PODXL2: variants seen among roughly 807,000 people sequenced by gnomAD.
PODXL2 encodes the protein podocalyxin like 2.
Under a neutral mutation model 53.4 loss-of-function variants are expected in PODXL2, and 17 were observed. That is an observed-to-expected ratio of 0.32 (90% CI 0.22 to 0.48). The LOEUF (loss-of-function observed/expected upper bound fraction) is 0.48, where lower values mean the gene tolerates loss of function less well. PODXL2 is among the 20% of genes least tolerant of loss of function. The pLI is 0.99. For synonymous variants in PODXL2, 311 were observed against 306.7 expected, an observed-to-expected ratio of 1.01 and a Z score of -0.15; for missense variants, 673 against 760.0, an observed-to-expected ratio of 0.89 and a Z score of 1.35.
rs1357045242 is a variant in PODXL2 at position 127,660,822 on chromosome 3, C to T, written c.794C>T (p.Ala265Val). 1 of 1,614,240 alleles carries T rather than the reference C, an allele frequency of 6.2e-7. No individual in the cohort carries two copies. Among genetic ancestry groups the T allele is most frequent in the South Asian group, 1.1e-5 (1 of 91,092 alleles). ...GACCAGGACTCCACCAGCCAAGAGGCAGAGGCCACAGTGCTGCCAGCTGCA... is the reference window on the plus strand; with the variant it reads ...GACCAGGACTCCACCAGCCAAGAGGTAGAGGCCACAGTGCTGCCAGCTGCA... ...PGDQDSTSQE[A>V]EATVLPAAGL... The change falls in exon 3 of 8, where the codon GCA becomes GTA. Residue 265 changes from alanine to valine, a missense_variant. By Grantham distance (64) the Ala-to-Val change is moderately conservative. Coordinates refer to ENST00000342480, the MANE Select transcript of PODXL2 (RefSeq NM_015720.4).
Position 127,639,442 on chromosome 3 carries a change from C to T in PODXL2, c.268C>T (p.Arg90Trp), listed in dbSNP as rs900841163. Reference sequence around the variant, plus strand: ...CCCCAGCGAAGAGAATGAAGAGTCTCGGATTCTGCAGCCACCACAGTACTT... The same window carrying T: ...CCCCAGCGAAGAGAATGAAGAGTCTTGGATTCTGCAGCCACCACAGTACTT... ...GFPSEENEES[R>W]ILQPPQYFWE... is the part of the protein sequence containing the mutation. Residue 90 changes from arginine (R) to tryptophan (W), a missense_variant, in exon 2 of 8, where the codon CGG becomes TGG. By Grantham distance (101) the Arg-to-Trp change is moderately radical. Transcript: ENST00000342480. 6 of 1,614,128 alleles carry T rather than the reference C, an allele frequency of 3.7e-6. No individual in the cohort carries two copies. Among genetic ancestry groups the T allele is most frequent in the African/African-American group, 1.3e-5 (1 of 74,950 alleles).
At position 127,629,309 on chromosome 3, in the gene PODXL2, G is replaced by A. The variant is rs2074525643; in HGVS notation, c.70+20G>A. On this transcript the variant is annotated intron_variant, in intron 1 of 7. Transcript: ENST00000342480. The surrounding 1 kb of genome is among the most constrained non-coding windows in gnomAD (Gnocchi z 6.4). Reference sequence around the variant, plus strand: ...TTGGGGGTGAGTGCGCTCCGGGCCCGAGCGCGGGAGGGCGGGCGGCGGCGT... The same window carrying A: ...TTGGGGGTGAGTGCGCTCCGGGCCCAAGCGCGGGAGGGCGGGCGGCGGCGT... 2 of 1,014,884 alleles carry A rather than the reference G, an allele frequency of 2.0e-6. No homozygotes were observed. Among genetic ancestry groups the A allele is most frequent in the Non-Finnish European group, 2.4e-6 (2 of 849,688 alleles). 62.9% of individuals were successfully genotyped at this position (1,014,884 alleles called of 1,614,324 possible).
chr3:127,649,658 C>G (rs933266442), intron 2 of PODXL2, among the ~76,000 whole-genome samples: 5 of 152,172 alleles, frequency 3.3e-5, no homozygotes, highest in African/African-American at 1.2e-4. Flanking sequence ...AGTTTTAAGC[C>G]AGGCATGGTG....
intron 4 of PODXL2, among the ~76,000 whole-genome samples, chr3:127,667,679 A>G (rs774609778): frequency 7.4e-4 from 113 of 152,272 alleles, no homozygotes; most frequent in Non-Finnish European, 1.5e-3. Context: ...TAAATTGTGG[A>G]ATTACACGTA....
chr3:127,631,147 C>T (rs1231703667), intron 1 of PODXL2, among the ~76,000 whole-genome samples: 3 of 152,066 alleles, frequency 2.0e-5, no homozygotes, highest in Non-Finnish European at 4.4e-5. Flanking sequence ...CAGGTGCTTA[C>T]AGAGTGGAGG....
intron 7 of PODXL2, 134 bp from the exon 8 acceptor site, chr3:127,672,134 A>C: frequency 1.5e-6 from 1 of 651,128 alleles, no homozygotes; most frequent in Non-Finnish European, 2.7e-6. Flanking sequence ...AGCTGCAGCA[A>C]CAGAAAAGAA....
chr3:127,662,359 T>C (rs2074773355), intron 4 of PODXL2, 48 bp downstream of exon 4: 1 of 1,495,454 alleles, frequency 6.7e-7, no homozygotes, highest in Non-Finnish European at 9.2e-7. Context: ...CTGCAGGCAG[T>C]GGACAGGGTG....
At position 127,639,263 on chromosome 3, in the gene PODXL2, G is replaced by A; in HGVS notation, c.89G>A (p.Cys30Tyr). The change falls in exon 2 of 8, where the codon TGT becomes TAT. Residue 30 changes from cysteine to tyrosine, a missense_variant. By Grantham distance (194) the Cys-to-Tyr change is radical (BLOSUM62 -2). This residue lies in a region of PODXL2 where 588 missense variants were observed against 668.3 expected (regional missense o/e 0.88). Coordinates refer to ENST00000342480, the MANE Select transcript of PODXL2 (RefSeq NM_015720.4). The part of the protein sequence containing the change: ...LLVGGAFLGA[C>Y]VAGSDEPGPE... ...TGCACAGGAGCGTTCCTGGGTGCCTGTGTGGCTGGGTCTGATGAGCCTGGC... is the reference window on the plus strand; with the variant it reads ...TGCACAGGAGCGTTCCTGGGTGCCTATGTGGCTGGGTCTGATGAGCCTGGC... 1 of 1,607,668 alleles carries A rather than the reference G, an allele frequency of 6.2e-7. No individual in the cohort carries two copies. Among genetic ancestry groups the A allele is most frequent in the African/African-American group, 1.3e-5 (1 of 74,786 alleles).
chr3:127,653,264 G>A (rs796230246), intron 2 of PODXL2, among the ~76,000 whole-genome samples: 7 of 152,280 alleles, frequency 4.6e-5, no homozygotes, highest in African/African-American at 9.6e-5. Context: ...AGGGCTCTGC[G>A]CTCTCAGCCA....
intron 1 of PODXL2, among the ~76,000 whole-genome samples, chr3:127,637,600 C>T (rs1373111467): frequency 3.3e-5 from 5 of 152,138 alleles, no homozygotes; most frequent in Admixed American, 2.0e-4. Context: ...AGTCACTCAG[C>T]CAGAGAAGCC....
intron 1 of PODXL2, among the ~76,000 whole-genome samples, chr3:127,631,443 C>T (rs1425320869): frequency 6.6e-6 from 1 of 152,174 alleles, no homozygotes; most frequent in Middle Eastern, 3.2e-3. Flanking sequence ...CAGCCTGCTT[C>T]CTTTGCCTCC....
intron 2 of PODXL2, among the ~76,000 whole-genome samples, chr3:127,655,171 G>C (rs1361945213): frequency 6.6e-6 from 1 of 151,952 alleles, no homozygotes; most frequent in African/African-American, 2.4e-5. Context: ...TTGAACTCCT[G>C]ACCTCAGGTG....
Position 127,629,213 on chromosome 3 carries a change from C to T in PODXL2, c.-7C>T, listed in dbSNP as rs1434071061. The T allele has an allele frequency of 3.0e-6, 3 of 990,446 alleles. No individual in the cohort carries two copies. The highest frequency in any genetic ancestry group is 1.8e-5 in the African/African-American group (1 of 56,680). 61.4% of individuals were successfully genotyped at this position (990,446 alleles called of 1,614,324 possible). A position where few individuals can be genotyped will look rare whatever the true frequency, so the allele number is the denominator to read the frequency against. On this transcript the variant is annotated 5_prime_UTR_variant, in exon 1 of 8. Transcript: ENST00000342480. This position sits in a 1 kb window ranked among gnomAD's most constrained non-coding sequence, Gnocchi z 6.4. Reference sequence around the variant, plus strand: ...CCGCTGCGGCTGCAGGCGGCGACGGCTACACCATGGGCCGGCTGCTGCGGG... The same window carrying T: ...CCGCTGCGGCTGCAGGCGGCGACGGTTACACCATGGGCCGGCTGCTGCGGG...
At chr3:127,648,048 A>T (rs1185392242) in intron 2 of PODXL2, among the ~76,000 whole-genome samples, 1 of 152,140 alleles carries the variant, frequency 6.6e-6, no homozygotes, top group Admixed American at 6.6e-5. Context: ...TTTTAACCTC[A>T]CAGCAACCTG....
intron 2 of PODXL2, among the ~76,000 whole-genome samples, chr3:127,653,157 C>A (rs896355790): frequency 6.6e-6 from 1 of 152,238 alleles, no homozygotes; most frequent in Non-Finnish European, 1.5e-5. Flanking sequence ...GAAGCCTGAT[C>A]TGTATTCCTT....
In PODXL2 at chr3:127,672,721, C is replaced by T. The variant is rs956488358; in HGVS notation, c.*241C>T. 5.9e-5 allele frequency: 25 copies of T among 420,374 alleles called. No individual in the cohort carries two copies. Among genetic ancestry groups the T allele is most frequent in the Admixed American group, 4.5e-4 (10 of 22,060 alleles). 26.0% of individuals were successfully genotyped at this position (420,374 alleles called of 1,614,324 possible). ...TGGCCCCGCTTTCCCGCCCCTGAAC[C>T]CCGGCCCCGCGGGCGGCGGGCGGCG... On this transcript the variant is annotated 3_prime_UTR_variant, in exon 8 of 8. Coordinates refer to ENST00000342480, the MANE Select transcript of PODXL2 (RefSeq NM_015720.4).
intron 2 of PODXL2, among the ~76,000 whole-genome samples, chr3:127,651,786 G>C (rs2074690560): frequency 6.6e-6 from 1 of 152,222 alleles, no homozygotes; most frequent in South Asian, 2.1e-4. Context: ...TGTGGGCTGG[G>C]TGTTTTGCAT....
intron 4 of PODXL2, among the ~76,000 whole-genome samples, chr3:127,664,003 A>G (rs1021035599): frequency 2.0e-5 from 3 of 152,200 alleles, no homozygotes; most frequent in Non-Finnish European, 2.9e-5. Context: ...TTATTGTAGT[A>G]AAAAACATAA....
At chr3:127,670,864 G>A (rs1337851433) in intron 6 of PODXL2, among the ~76,000 whole-genome samples, 1 of 152,234 alleles carries the variant, frequency 6.6e-6, no homozygotes, top group Non-Finnish European at 1.5e-5. Context: ...GAGGGATGCA[G>A]GCAGCTACAT....
Sources: gnomAD v4.1 joint callset for allele counts (sites outside exome capture counted in the v4.1 genomes callset) on GRCh38, gnomAD v4.1.1 for gene constraint, gnomAD v4.1.1 regional missense constraint, Gnocchi (gnomAD v3.1) non-coding constraint, MANE v1.5 for transcripts, NCBI Gene and HGNC (gene_info 2026-07-23, HGNC 2026-07-21) for gene names.